TSPAN1: variants seen among roughly 807,000 people sequenced by gnomAD.
The protein encoded by TSPAN1 is tetraspanin-1.
TSPAN1 carries 23 observed loss-of-function variants against 26.9 expected under a neutral mutation model. That is an observed-to-expected ratio of 0.85 (90% CI 0.62 to 1.21). TSPAN1 has a LOEUF of 1.21. Among genes scored for constraint, TSPAN1 ranks in the 50% most tolerant of loss-of-function variants. TSPAN1 has a pLI of 0.00. For synonymous variants in TSPAN1, 115 were observed against 114.8 expected (o/e 1.00, Z -0.01); for missense variants, 283 against 298.4 (o/e 0.95, Z 0.38).
rs944428339 is a variant in TSPAN1, at chr1:46,175,501, T to A, written c.-142+92T>A. 3 of 398,522 alleles carry A rather than the reference T, an allele frequency of 7.5e-6. No individual in the cohort carries two copies. In the Admixed American group the frequency reaches 1.3e-4, roughly 18 times the overall value. The allele number at this position is 398,522 out of a possible 1,614,324, so 24.7% of individuals were successfully genotyped here. A position where few individuals can be genotyped will look rare whatever the true frequency, so the allele number is the denominator to read the frequency against. On this transcript the variant is annotated intron_variant, in intron 1 of 8. Transcript: ENST00000372003. ...AATAAGGCAGTTTGAGCAGAATGAC[T>A]GTATTTGTTGTTCACCACCCACACG...
chr1:46,189,129 G>T, downstream of TSPAN1: 1 of 1,491,374 alleles, frequency 6.7e-7, no homozygotes, highest in South Asian at 1.4e-5. Flanking sequence ...CCCTCCCCTT[G>T]GAGTTAGTAA....
chr1:46,193,736 C>T, the TSPAN1 span: 6 of 1,600,722 alleles, frequency 3.7e-6, no homozygotes, highest in South Asian at 5.6e-5. Flanking sequence ...TGCTTACCCA[C>T]AGAGGTGAAT....
At position 46,184,225 on chromosome 1, in the gene TSPAN1, G is replaced by A; in HGVS notation, c.92G>A (p.Trp31Ter). 1 of 1,614,210 alleles carries A rather than the reference G, an allele frequency of 6.2e-7. No homozygotes were observed. Among genetic ancestry groups the A allele is most frequent in the Non-Finnish European group, 8.5e-7 (1 of 1,180,046 alleles). The change falls in exon 4 of 9, where the codon TGG becomes TAG. Residue 31 changes from tryptophan to a stop codon, truncating the protein, a stop_gained. Coordinates refer to ENST00000372003, the MANE Select transcript of TSPAN1 (RefSeq NM_005727.4). LOFTEE classifies it high-confidence loss of function. ...CGAALLAVGIWVSIDGASFLK... is the reference protein window; with the variant it reads ...CGAALLAVGI ...GCAGCCCTGTTGGCAGTGGGCATCT[G>A]GGTGTCAATCGATGGGGCATCCTTT...
downstream of TSPAN1, chr1:46,188,857 A>T (rs1249233766): frequency 2.5e-5 from 40 of 1,612,760 alleles, no homozygotes; most frequent in Admixed American, 6.0e-4. Context: ...CAGTTTCCTG[A>T]GTAAGAGCCA....
At chr1:46,187,031 C>T (rs1358709390), downstream of TSPAN1, among the ~76,000 whole-genome samples, 5 of 152,310 alleles carry the variant, frequency 3.3e-5, no homozygotes, top group Admixed American at 3.3e-4. Flanking sequence ...TGGTCTCGAA[C>T]TCCTGACCTC....
chr1:46,179,260 C>T (rs1022736336), intron 1 of TSPAN1, among the ~76,000 whole-genome samples: 2 of 151,068 alleles, frequency 1.3e-5, no homozygotes, highest in Middle Eastern at 3.4e-3. Context: ...CTGCAGTGAG[C>T]TGTGATGTTG....
downstream of TSPAN1, chr1:46,189,392 G>C: frequency 6.2e-7 from 1 of 1,614,056 alleles, no homozygotes; most frequent in East Asian, 2.2e-5. Context: ...TAGAGAAGAA[G>C]CCATTAGCTA....
At chr1:46,189,225 C>A, downstream of TSPAN1, 1 of 1,585,616 alleles carries the variant, frequency 6.3e-7, no homozygotes, top group Non-Finnish European at 8.6e-7. Context: ...GCTAGCCAGC[C>A]TGGGGGTACA....
chr1:46,192,302 A>C, the TSPAN1 span: 17 of 1,614,038 alleles, frequency 1.1e-5, no homozygotes, highest in Non-Finnish European at 1.4e-5. Context: ...CTACCCTGAC[A>C]GTTACCTTTT....
At chr1:46,185,982 C>T (rs1311552803), downstream of TSPAN1, 2 of 174,110 alleles carry the variant, frequency 1.1e-5, no homozygotes, top group Non-Finnish European at 2.5e-5. Flanking sequence ...TTCATGTATC[C>T]TTGGGGAGAG....
chr1:46,190,901 C>T, downstream of TSPAN1: 2 of 953,656 alleles, frequency 2.1e-6, no homozygotes, highest in Non-Finnish European at 1.7e-6. Flanking sequence ...GTAAAGAGCC[C>T]TCTAATTTCC....
chr1:46,181,815 G>A (rs1278330283), intron 3 of TSPAN1, among the ~76,000 whole-genome samples: 1 of 152,200 alleles, frequency 6.6e-6, no homozygotes, highest in East Asian at 1.9e-4. Context: ...CTTCCTGGAG[G>A]AAATAGCTGA....
the TSPAN1 span, chr1:46,191,735 C>T: frequency 3.5e-5 from 12 of 346,678 alleles, no homozygotes; most frequent in African/African-American, 2.1e-4. Context: ...CCTGGGTTCA[C>T]GCCATTCTCC....
At chr1:46,188,258 T>C (rs753560510), downstream of TSPAN1, among the ~76,000 whole-genome samples, 4 of 152,228 alleles carry the variant, frequency 2.6e-5, no homozygotes, top group Non-Finnish European at 5.9e-5. Context: ...GTCTCTTGAA[T>C]GATGCCTGCC....
At chr1:46,186,570 G>A (rs1224058679), downstream of TSPAN1, among the ~76,000 whole-genome samples, 11 of 146,152 alleles carry the variant, frequency 7.5e-5, no homozygotes, top group African/African-American at 1.5e-4. Flanking sequence ...GGCTCACTGC[G>A]GACTCTGCCT....
chr1:46,192,627 A>C, the TSPAN1 span: 1 of 1,611,802 alleles, frequency 6.2e-7, no homozygotes, highest in South Asian at 1.1e-5. Flanking sequence ...AGGGAGGGAC[A>C]AGGATAAATC....
intron 1 of TSPAN1, among the ~76,000 whole-genome samples, chr1:46,176,028 A>G (rs965535573): frequency 6.6e-6 from 1 of 151,988 alleles, no homozygotes; most frequent in South Asian, 2.1e-4. Flanking sequence ...GTGTGCCACC[A>G]CGCCCGGCTA....
At chr1:46,178,094 C>T (rs1051777428) in intron 1 of TSPAN1, among the ~76,000 whole-genome samples, 7 of 152,096 alleles carry the variant, frequency 4.6e-5, no homozygotes, top group East Asian at 3.8e-4. Context: ...CGGTGGCTCA[C>T]GCCTGTAATC....
At chr1:46,179,159 TA>T (rs533857551) in intron 1 of TSPAN1, among the ~76,000 whole-genome samples, 52 of 146,060 alleles carry the variant, frequency 3.6e-4, no homozygotes, top group Admixed American at 4.1e-4. Context: ...CTCATCTGTT[TA>T]AAAAAAAAAA....
Sources: gnomAD v4.1 joint callset for allele counts (sites outside exome capture counted in the v4.1 genomes callset) on GRCh38, gnomAD v4.1.1 for gene constraint, MANE v1.5 for transcripts, NCBI Gene and HGNC (gene_info 2026-07-23, HGNC 2026-07-21) for gene names.